ENTREP2: variants seen among roughly 807,000 people sequenced by gnomAD.
The protein encoded by ENTREP2 is protein ENTREP2.
chr15:29,475,416 C>A, the ENTREP2 span, among the ~76,000 whole-genome samples: 1 of 152,196 alleles, frequency 6.6e-6, no homozygotes, highest in African/African-American at 2.4e-5. Context: ...GCTCCCTTAG[C>A]AACCTCACAG....
At chr15:29,530,511 C>A in the ENTREP2 span, among the ~76,000 whole-genome samples, 1 of 152,170 alleles carries the variant, frequency 6.6e-6, no homozygotes, top group African/African-American at 2.4e-5. Context: ...ACTACCAGAT[C>A]GATCAAGCGA....
At chr15:29,516,029 T>A in the ENTREP2 span, among the ~76,000 whole-genome samples, 4 of 152,136 alleles carry the variant, frequency 2.6e-5, no homozygotes, top group African/African-American at 4.8e-5. Context: ...GCTCCTACAA[T>A]GAACAGCAGA....
chr15:29,410,136 T>C, the ENTREP2 span, among the ~76,000 whole-genome samples: 2 of 152,208 alleles, frequency 1.3e-5, no homozygotes, highest in Non-Finnish European at 2.9e-5. Flanking sequence ...TTTGTATGTT[T>C]GCTTTGCTGA....
the ENTREP2 span, among the ~76,000 whole-genome samples, chr15:29,322,851 T>C: frequency 1.3e-5 from 2 of 152,214 alleles, no homozygotes; most frequent in Non-Finnish European, 2.9e-5. Flanking sequence ...AGATCACAGA[T>C]TGTTCCTGTG....
At chr15:29,638,053 G>A in the ENTREP2 span, among the ~76,000 whole-genome samples, 390 of 152,344 alleles carry the variant, frequency 2.6e-3, 1 homozygote, top group South Asian at 9.7e-3. Context: ...ACCTAACTGC[G>A]TTGACCTTCA....
At chr15:29,118,773 T>C in the ENTREP2 span, among the ~76,000 whole-genome samples, 1 of 150,100 alleles carries the variant, frequency 6.7e-6, no homozygotes, top group Non-Finnish European at 1.5e-5. Context: ...GCAGCCTGTC[T>C]AGAGTGACAA....
the ENTREP2 span, chr15:29,121,325 C>G: frequency 6.6e-6 from 1 of 152,356 alleles, no homozygotes; most frequent in African/African-American, 2.4e-5. Context: ...ACCGAGTCCA[C>G]TGGGTGGCTG....
At chr15:29,136,205 A>G in the ENTREP2 span, among the ~76,000 whole-genome samples, 1 of 152,152 alleles carries the variant, frequency 6.6e-6, no homozygotes, top group Non-Finnish European at 1.5e-5. Context: ...GCTTCAAGAG[A>G]GATGAATGCA....
chr15:29,521,965 T>C, the ENTREP2 span, among the ~76,000 whole-genome samples: 19 of 151,538 alleles, frequency 1.3e-4, no homozygotes, highest in African/African-American at 3.9e-4. Flanking sequence ...ACTGCAGAAA[T>C]AGATCCACAC....
chr15:29,151,934 T>G, the ENTREP2 span: 6 of 873,814 alleles, frequency 6.9e-6, no homozygotes, highest in Non-Finnish European at 1.1e-5. Flanking sequence ...TGAGCCGAGG[T>G]CGATGACCAT....
At chr15:29,570,267 A>G in the ENTREP2 span, among the ~76,000 whole-genome samples, 17 of 150,882 alleles carry the variant, frequency 1.1e-4, no homozygotes, top group Admixed American at 4.6e-4. Context: ...CCTCCAAGAA[A>G]AGTAACTCCG....
At chr15:29,580,642 G>A in the ENTREP2 span, among the ~76,000 whole-genome samples, 1 of 152,040 alleles carries the variant, frequency 6.6e-6, no homozygotes, top group African/African-American at 2.4e-5. Flanking sequence ...AGGAGGAAAG[G>A]TGAGATCTAA....
At chr15:29,345,627 C>A in the ENTREP2 span, among the ~76,000 whole-genome samples, 1 of 152,100 alleles carries the variant, frequency 6.6e-6, no homozygotes, top group African/African-American at 2.4e-5. Flanking sequence ...CGGCTCCAGG[C>A]ACCCCCCAGG....
At chr15:29,270,596 GA>G in the ENTREP2 span, among the ~76,000 whole-genome samples, 1 of 152,156 alleles carries the variant, frequency 6.6e-6, no homozygotes. Flanking sequence ...CACTGATCAA[GA>G]ATTGCAATAA....
At chr15:29,131,431 C>T in the ENTREP2 span, among the ~76,000 whole-genome samples, 26 of 151,606 alleles carry the variant, frequency 1.7e-4, no homozygotes, top group East Asian at 5.9e-4. Context: ...GCACCCAAGA[C>T]GCCAAACTCC....
chr15:29,370,668 A>G, the ENTREP2 span, among the ~76,000 whole-genome samples: 2 of 152,148 alleles, frequency 1.3e-5, no homozygotes, highest in Admixed American at 1.3e-4. Context: ...CCCCGGCCCT[A>G]TGCCAAGAAA....
chr15:29,339,093 G>A, the ENTREP2 span, among the ~76,000 whole-genome samples: 5 of 152,198 alleles, frequency 3.3e-5, no homozygotes, highest in Non-Finnish European at 7.3e-5. Context: ...TCTACTGCAA[G>A]TCCATCACCT....
the ENTREP2 span, chr15:29,235,218 T>C: frequency 8.4e-6 from 5 of 593,296 alleles, no homozygotes; most frequent in East Asian, 1.2e-4. Context: ...TCTATAGTCT[T>C]GATATCATTA....
chr15:29,368,002 C>CAAA, the ENTREP2 span, among the ~76,000 whole-genome samples: 3 of 99,016 alleles, frequency 3.0e-5, no homozygotes, highest in Non-Finnish European at 6.4e-5. Flanking sequence ...CATATTCAGG[C>CAAA]AAAAAAAAAA....
Sources: allele counts gnomAD v4.1 joint callset (sites outside exome capture counted in the v4.1 genomes callset), GRCh38; gene constraint gnomAD v4.1.1; transcripts MANE v1.5; gene names NCBI Gene and HGNC (gene_info 2026-07-23, HGNC 2026-07-21).